Variants in DENND5A observed in about 807,000 individuals in gnomAD.
DENND5A encodes the protein DENN domain-containing protein 5A.
In DENND5A, 64 loss-of-function variants were observed where a neutral mutation model predicts 140.3. The observed-to-expected ratio is 0.46, with a 90% CI of 0.37 to 0.56. The LOEUF is 0.56. Among genes scored for constraint, DENND5A ranks in the 20% least tolerant of loss-of-function variants. DENND5A has a pLI of 0.00. For synonymous variants in DENND5A, 605 were observed against 607.7 expected (o/e 1.00, Z 0.07); for missense variants, 1,292 against 1,593.8 (o/e 0.81, Z 3.22).
intron 15 of DENND5A, 71 bp downstream of exon 15, chr11:9,150,010 C>G (rs1413428512): frequency 2.6e-6 from 4 of 1,542,698 alleles, no homozygotes; most frequent in African/African-American, 1.4e-5. Context: ...ACTCCCCCTT[C>G]CCACACAAGT....
chr11:9,172,811 C>A (rs1848414379), intron 8 of DENND5A, among the ~76,000 whole-genome samples: 1 of 151,774 alleles, frequency 6.6e-6, no homozygotes. Flanking sequence ...GGAGCGACAT[C>A]TTTTTTTTAT....
At chr11:9,177,772 G>T (rs889905112) in intron 8 of DENND5A, among the ~76,000 whole-genome samples, 5 of 151,596 alleles carry the variant, frequency 3.3e-5, no homozygotes, top group Admixed American at 3.3e-4. Context: ...CAACAACAAG[G>T]ATTCACTGAA....
intron 1 of DENND5A, among the ~76,000 whole-genome samples, chr11:9,253,354 C>T (rs1399558548): frequency 6.6e-6 from 1 of 152,198 alleles, no homozygotes; most frequent in Non-Finnish European, 1.5e-5. Flanking sequence ...AACACTGTGA[C>T]TCAGGATTTC....
intron 1 of DENND5A, among the ~76,000 whole-genome samples, chr11:9,253,263 T>G (rs902874759): frequency 3.9e-5 from 6 of 152,114 alleles, no homozygotes; most frequent in African/African-American, 1.2e-4. Flanking sequence ...AAAGGAGGCT[T>G]TAGGCAAAGA....
At chr11:9,188,766 G>A (rs1020136429) in intron 5 of DENND5A, among the ~76,000 whole-genome samples, 7 of 152,196 alleles carry the variant, frequency 4.6e-5, no homozygotes, top group Admixed American at 6.5e-5. Flanking sequence ...TTTCTAAGCA[G>A]CAAAGCATTC....
intron 8 of DENND5A, among the ~76,000 whole-genome samples, chr11:9,172,982 ATT>A (rs35189783): frequency 0.12 from 17,428 of 145,530 alleles, 1,073 homozygotes; most frequent in South Asian, 0.18. Context: ...TGCCTGGCTA[ATT>A]TTTTTTTTTT....
chr11:9,207,618 T>C lies in DENND5A; in HGVS notation c.124A>G (p.Ile42Val), dbSNP rs147701869. 2.5e-6 allele frequency: 4 copies of C among 1,610,774 alleles called. No homozygotes were observed. Among genetic ancestry groups the C allele is most frequent in the Non-Finnish European group, 3.4e-6 (4 of 1,177,190 alleles). ...PDELSALCQYIQASKARDGAS... is the reference protein window; with the variant it reads ...PDELSALCQYVQASKARDGAS... ...CCATCCCTGGCTTTAGAAGCCTGTA[T>C]GTACTGGCATAATGCTATATGATAA... The change falls in exon 2 of 23, where the codon ATA becomes GTA. Residue 42 changes from isoleucine to valine, a missense_variant. By Grantham distance (29) the Ile-to-Val change is conservative (BLOSUM62 3). Coordinates refer to ENST00000328194, the MANE Select transcript of DENND5A (RefSeq NM_015213.4).
In DENND5A at chr11:9,243,670, A is replaced by C. The variant is rs564192040; in HGVS notation, c.109+21291T>G. 2.3e-4 allele frequency among the ~76,000 whole-genome samples: 35 copies of C among 152,234 alleles called. No individual in the cohort carries two copies. The East Asian group carries it at 6.8e-3, about 29-fold the overall frequency. ...TGGGAGGCCAAGGTAGGCGGATTAC[A>C]AGGTCAGGAGTTTGACACCAGCCTG... On this transcript the variant is annotated intron_variant, in intron 1 of 22. Coordinates refer to ENST00000328194, the MANE Select transcript of DENND5A (RefSeq NM_015213.4).
chr11:9,211,604 A>T (rs1849879982), intron 1 of DENND5A, among the ~76,000 whole-genome samples: 1 of 152,186 alleles, frequency 6.6e-6, no homozygotes, highest in Admixed American at 6.5e-5. Context: ...TTAGCAAACA[A>T]GAATTTTAAA....
At chr11:9,194,730 T>A (rs183506387) in intron 4 of DENND5A, among the ~76,000 whole-genome samples, 1 of 152,188 alleles carries the variant, frequency 6.6e-6, no homozygotes, top group Non-Finnish European at 1.5e-5. Flanking sequence ...TAGGCCTTTT[T>A]TTTTTTTGTG....
intron 1 of DENND5A, among the ~76,000 whole-genome samples, chr11:9,229,412 C>T (rs937865408): frequency 3.3e-5 from 5 of 151,948 alleles, no homozygotes; most frequent in African/African-American, 1.2e-4. Context: ...TAAAGGAGAC[C>T]GGAAGACCTC....
At chr11:9,155,994 C>G (rs1847789530) in intron 12 of DENND5A, among the ~76,000 whole-genome samples, 1 of 152,192 alleles carries the variant, frequency 6.6e-6, no homozygotes, top group Non-Finnish European at 1.5e-5. Flanking sequence ...GGAAGGTACC[C>G]CCACAAGGGC....
chr11:9,235,056 T>G (rs1238920657), intron 1 of DENND5A, among the ~76,000 whole-genome samples: 4 of 152,186 alleles, frequency 2.6e-5, no homozygotes, highest in Non-Finnish European at 5.9e-5. Flanking sequence ...AATGATGCAC[T>G]GCTGTGAAGA....
At chr11:9,251,861 C>T (rs1330852541) in intron 1 of DENND5A, among the ~76,000 whole-genome samples, 1 of 151,762 alleles carries the variant, frequency 6.6e-6, no homozygotes, top group Admixed American at 6.6e-5. Context: ...TGGTGGCAGG[C>T]CCCTGCAGTC....
intron 1 of DENND5A, among the ~76,000 whole-genome samples, chr11:9,253,895 C>T (rs1851833144): frequency 6.7e-6 from 1 of 150,132 alleles, no homozygotes; most frequent in African/African-American, 2.5e-5. Context: ...CAGTGGCTCA[C>T]ACCTGTAATC....
At chr11:9,229,893 CCATTT>C (rs1590307914) in intron 1 of DENND5A, among the ~76,000 whole-genome samples, 1 of 144,718 alleles carries the variant, frequency 6.9e-6, no homozygotes, top group South Asian at 2.1e-4. Flanking sequence ...CTGAAAGCTC[CCATTT>C]CTTTTTTTTT....
intron 1 of DENND5A, among the ~76,000 whole-genome samples, chr11:9,249,953 G>C (rs1445317529): frequency 1.3e-5 from 2 of 151,422 alleles, no homozygotes; most frequent in African/African-American, 2.4e-5. Context: ...TCCCAAAGTG[G>C]TGAGATTACA....
chr11:9,250,571 G>C (rs1851675881), intron 1 of DENND5A, among the ~76,000 whole-genome samples: 1 of 152,122 alleles, frequency 6.6e-6, no homozygotes, highest in Non-Finnish European at 1.5e-5. Flanking sequence ...TAGTAAGACA[G>C]CAAACAGAAG....
intron 12 of DENND5A, among the ~76,000 whole-genome samples, chr11:9,159,912 G>T (rs1390536171): frequency 6.6e-6 from 1 of 152,104 alleles, no homozygotes; most frequent in East Asian, 1.9e-4. Flanking sequence ...TATACGCATG[G>T]GCATATGTAC....
Sources: allele counts gnomAD v4.1 joint callset (sites outside exome capture counted in the v4.1 genomes callset), GRCh38; gene constraint gnomAD v4.1.1; transcripts MANE v1.5; gene names NCBI Gene and HGNC (gene_info 2026-07-23, HGNC 2026-07-21).